TXNDC5: variants seen among roughly 807,000 people sequenced by gnomAD.
TXNDC5 encodes the protein thioredoxin domain-containing protein 5.
A neutral mutation model predicts 52.6 loss-of-function variants in TXNDC5; 44 were observed. The observed-to-expected ratio is 0.84, with a 90% CI of 0.66 to 1.08. The LOEUF (loss-of-function observed/expected upper bound fraction) is 1.08. Among genes scored for constraint, TXNDC5 ranks in the 50% least tolerant of loss-of-function variants. The pLI is 0.00. For synonymous variants in TXNDC5, 241 were observed against 234.4 expected, an observed-to-expected ratio of 1.03 and a Z score of -0.26; for missense variants, 600 against 565.5, an observed-to-expected ratio of 1.06 and a Z score of -0.62.
In TXNDC5 at chr6:7,910,554, T is replaced by A; in HGVS notation, c.223A>T (p.Ile75Phe). The A allele has an allele frequency of 6.9e-7, 1 of 1,453,418 alleles. No homozygotes were observed. The highest frequency in any genetic ancestry group is 9.2e-7 in the Non-Finnish European group (1 of 1,092,538). The allele number at this position is 1,453,418 out of a possible 1,614,324, so 90.0% of individuals were successfully genotyped here. A position where few individuals can be genotyped will look rare whatever the true frequency, so the allele number is the denominator to read the frequency against. The change falls in exon 1 of 10, where the codon ATC (isoleucine) becomes TTC (phenylalanine). Residue 75 changes from isoleucine (I) to phenylalanine (F), a missense_variant. Coordinates refer to ENST00000379757, the MANE Select transcript of TXNDC5 (RefSeq NM_030810.5). ...LYTADMFTHG[I>F]QSAAHFVMFF... ...ATGACGAAGTGCGCGGCGCTCTGGA[T>A]CCCGTGCGTGAACATGTCGGCCGTG...
At position 7,895,211 on chromosome 6, in the gene TXNDC5, AG is replaced by A. The variant is rs1296759715; in HGVS notation, c.520-10del. 6.2e-7 allele frequency: 1 copy of A among 1,608,994 alleles called. No homozygotes were observed. The highest frequency in any genetic ancestry group is 1.7e-5 in the Admixed American group (1 of 59,422). Reference sequence around the variant, plus strand: ...ACTTCCGGCTCTGGTGTCTAACAGGAGGAAATAAAACAGTCATGGGTGTGTC... The same window carrying A: ...ACTTCCGGCTCTGGTGTCTAACAGGAGAAATAAAACAGTCATGGGTGTGTC... On this transcript the variant is annotated splice_polypyrimidine_tract_variant and intron_variant, in intron 3 of 9. Transcript: ENST00000379757.
intron 3 of TXNDC5, among the ~76,000 whole-genome samples, chr6:7,898,300 C>G (rs1183513976): frequency 6.6e-6 from 1 of 152,216 alleles, no homozygotes; most frequent in African/African-American, 2.4e-5. Context: ...GGGTGATCCA[C>G]CCGCCTCAGC....
intron 4 of TXNDC5, chr6:7,894,776 T>C (rs1760309257): frequency 1.0e-6 from 1 of 985,310 alleles, no homozygotes; most frequent in Non-Finnish European, 1.2e-6. Context: ...AAAAATGCAG[T>C]ATCTCCAAAG....
At chr6:7,907,814 C>G (rs868412730) in intron 1 of TXNDC5, among the ~76,000 whole-genome samples, 29 of 152,236 alleles carry the variant, frequency 1.9e-4, no homozygotes, top group Non-Finnish European at 1.9e-4. Context: ...TTGATCTTGC[C>G]CCTGCTGACC....
At chr6:7,888,588 T>C (rs1337945311) in intron 7 of TXNDC5, 117 bp downstream of exon 7, 1 of 1,318,316 alleles carries the variant, frequency 7.6e-7, no homozygotes, top group Non-Finnish European at 1.0e-6. Flanking sequence ...ATCAGATGAC[T>C]GTGTCCCCAA....
chr6:7,897,173 G>C (rs1049850019), intron 3 of TXNDC5, among the ~76,000 whole-genome samples: 1 of 151,996 alleles, frequency 6.6e-6, no homozygotes, highest in Non-Finnish European at 1.5e-5. Flanking sequence ...TCAACATAAA[G>C]ACCACATAAA....
intron 2 of TXNDC5, among the ~76,000 whole-genome samples, chr6:7,903,159 A>T (rs1760622939): frequency 6.6e-6 from 1 of 152,244 alleles, no homozygotes; most frequent in South Asian, 2.1e-4. Context: ...GTTTCTCAAC[A>T]GGTAAGCATT....
At chr6:7,888,930 C>A in intron 6 of TXNDC5, 82 bp from the exon 7 acceptor site, 1 of 1,503,674 alleles carries the variant, frequency 6.7e-7, no homozygotes. Context: ...CCCCTGCTTG[C>A]CCGGGTCAGA....
At chr6:7,894,811 G>A (rs1224837397) in intron 4 of TXNDC5, 2 of 985,324 alleles carry the variant, frequency 2.0e-6, no homozygotes, top group African/African-American at 3.5e-5. Context: ...GAGCAATCAA[G>A]CGAGGTGAGT....
intron 1 of TXNDC5, among the ~76,000 whole-genome samples, chr6:7,906,347 C>A (rs1760728609): frequency 6.6e-6 from 1 of 151,898 alleles, no homozygotes; most frequent in African/African-American, 2.4e-5. Context: ...ACCAGCCTGA[C>A]CAACAAGGTG....
Position 7,884,426 on chromosome 6 carries a change from C to T in TXNDC5, c.1109G>A (p.Gly370Asp). ...TTCGGCGATCTTGACCCCCGCCAGA[C>T]CAGGGAATTCCTTTTTAGAGAGTTC... ...WEELSKKEFP[G>D]LAGVKIAEVD... Residue 370 changes from glycine (G) to aspartate (D), a missense_variant, in exon 9 of 10, where the codon GGT becomes GAT. Coordinates refer to ENST00000379757, the MANE Select transcript of TXNDC5 (RefSeq NM_030810.5). 1 of 1,614,114 alleles carries T rather than the reference C, an allele frequency of 6.2e-7. No homozygotes were observed.
In TXNDC5 at chr6:7,885,959, A is replaced by G; in HGVS notation, c.1046+2T>C. 1 of 1,613,960 alleles carries G rather than the reference A, an allele frequency of 6.2e-7. No homozygotes were observed. The highest frequency in any genetic ancestry group is 8.5e-7 in the Non-Finnish European group (1 of 1,179,954). ...GTAGTTTCTAATTAAACAGCCACTT[A>G]CCATGGAGCATAAAACTTGATGAAG... On this transcript the variant is annotated splice_donor_variant, in intron 8 of 9. Coordinates refer to ENST00000379757, the MANE Select transcript of TXNDC5 (RefSeq NM_030810.5). LOFTEE classifies it high-confidence loss of function.
intron 2 of TXNDC5, among the ~76,000 whole-genome samples, chr6:7,901,260 C>A (rs1191952425): frequency 1.3e-5 from 2 of 152,178 alleles, no homozygotes; most frequent in Admixed American, 6.5e-5. Flanking sequence ...CCTAGCCTGG[C>A]ACCTCCCCAG....
At chr6:7,893,571 C>T (rs569257501) in intron 4 of TXNDC5, among the ~76,000 whole-genome samples, 4 of 151,120 alleles carry the variant, frequency 2.6e-5, no homozygotes, top group African/African-American at 4.9e-5. Context: ...GGAGTCGGTC[C>T]GTAACAGGTG....
Position 7,882,984 on chromosome 6 carries a change from G to T in TXNDC5, c.*160C>A. 1 of 865,058 alleles carries T rather than the reference G, an allele frequency of 1.2e-6. No individual in the cohort carries two copies. The highest frequency in any genetic ancestry group is 1.7e-5 in the African/African-American group (1 of 58,936). 53.6% of individuals were successfully genotyped at this position (865,058 alleles called of 1,614,324 possible). On this transcript the variant is annotated 3_prime_UTR_variant, in exon 10 of 10. Coordinates refer to ENST00000379757, the MANE Select transcript of TXNDC5 (RefSeq NM_030810.5). Reference sequence around the variant, plus strand: ...TAACTTAATAAAGAATCTGTAGAGTGTGTTGGCTTGGAAAACACACACACA... The same window carrying T: ...TAACTTAATAAAGAATCTGTAGAGTTTGTTGGCTTGGAAAACACACACACA...
chr6:7,900,072 G>A (rs950895697), intron 2 of TXNDC5: 2 of 154,554 alleles, frequency 1.3e-5, no homozygotes, highest in African/African-American at 4.8e-5. Flanking sequence ...CAGACACGGT[G>A]TTGTTTTGCA....
chr6:7,883,073 C>G lies in TXNDC5; in HGVS notation c.*71G>C. ...ACAGCCACCACTGGGAACCCAGTGG[C>G]CTCTGTGGGACTGAACTCCTAAACG... On this transcript the variant is annotated 3_prime_UTR_variant, in exon 10 of 10. Coordinates refer to ENST00000379757, the MANE Select transcript of TXNDC5 (RefSeq NM_030810.5). 3 of 1,600,916 alleles carry G rather than the reference C, an allele frequency of 1.9e-6. No individual in the cohort carries two copies. Among genetic ancestry groups the G allele is most frequent in the Non-Finnish European group, 2.6e-6 (3 of 1,170,682 alleles).
At chr6:7,905,265 C>T (rs1214511342) in intron 1 of TXNDC5, among the ~76,000 whole-genome samples, 1 of 152,234 alleles carries the variant, frequency 6.6e-6, no homozygotes, top group South Asian at 2.1e-4. Flanking sequence ...TGGAAAGCCT[C>T]TCTACTCCTC....
Position 7,891,744 on chromosome 6 carries a change from G to A in TXNDC5, c.617-8C>T. On this transcript the variant is annotated splice_region_variant and splice_polypyrimidine_tract_variant and intron_variant, in intron 4 of 9. Transcript: ENST00000379757. ...ACTTGATAAAGTGGTCGCCTGGAGT[G>A]GAGAGCCAAGGCAGAGACGGGGGAA... 1 of 1,603,250 alleles carries A rather than the reference G, an allele frequency of 6.2e-7. No homozygotes were observed. Among genetic ancestry groups the A allele is most frequent in the South Asian group, 1.1e-5 (1 of 90,736 alleles).
Sources: gnomAD v4.1 joint callset for allele counts (sites outside exome capture counted in the v4.1 genomes callset) on GRCh38, gnomAD v4.1.1 for gene constraint, MANE v1.5 for transcripts, NCBI Gene and HGNC (gene_info 2026-07-23, HGNC 2026-07-21) for gene names.